Variants in CCDC15 observed in about 807,000 individuals in gnomAD.
CCDC15 encodes coiled-coil domain containing 15.
A neutral mutation model predicts 114.5 loss-of-function variants in CCDC15; 105 were observed. That is an observed-to-expected ratio of 0.92 (90% CI 0.78 to 1.08). The LOEUF (loss-of-function observed/expected upper bound fraction) is 1.08, where lower values mean the gene tolerates loss of function less well. Among genes scored for constraint, CCDC15 ranks in the 50% least tolerant of loss-of-function variants. CCDC15 has a pLI of 0.00. For synonymous variants in CCDC15, 334 were observed against 377.8 expected (o/e 0.88, Z 1.34); for missense variants, 1,105 against 1,093.6 (o/e 1.01, Z -0.15).
At chr11:124,971,884 T>C (rs570428262) in intron 4 of CCDC15, among the ~76,000 whole-genome samples, 1 of 152,268 alleles carries the variant, frequency 6.6e-6, no homozygotes, top group Admixed American at 6.5e-5. Flanking sequence ...TTTATTGATT[T>C]ACCACTAGGA....
chr11:124,987,963 A>G lies in CCDC15; in HGVS notation c.1737A>G (p.Ile579Met), dbSNP rs553577640. Residue 579 changes from isoleucine to methionine, a missense_variant, in exon 8 of 16, where the codon ATA (isoleucine) becomes ATG (methionine). Transcript: ENST00000344762. ...VLPKDQNILP[I>M]CQDQDFLPRD... is the part of the protein sequence containing the mutation. ...CCAAAGACCAAAATATTCTACCCAT[A>G]TGTCAGGACCAGGATTTTCTACCCA... 2 of 1,613,982 alleles carry G rather than the reference A, an allele frequency of 1.2e-6. No homozygotes were observed. The highest frequency in any genetic ancestry group is 2.2e-5 in the East Asian group (1 of 44,886).
intron 13 of CCDC15, among the ~76,000 whole-genome samples, chr11:125,012,303 G>A (rs1180328925): frequency 6.6e-6 from 1 of 152,046 alleles, no homozygotes; most frequent in African/African-American, 2.4e-5. Context: ...TAAAAATGTG[G>A]GTCTCATGAT....
At chr11:124,956,097 T>G (rs951007473) in intron 2 of CCDC15, among the ~76,000 whole-genome samples, 6 of 152,162 alleles carry the variant, frequency 3.9e-5, no homozygotes, top group African/African-American at 1.2e-4. Context: ...GACAGGATTA[T>G]GGAAAATAGG....
At chr11:124,956,227 T>C (rs938830053) in intron 2 of CCDC15, among the ~76,000 whole-genome samples, 2 of 152,196 alleles carry the variant, frequency 1.3e-5, no homozygotes, top group Admixed American at 6.5e-5. Context: ...TTTTGAAGGA[T>C]AGGGAGTGAT....
chr11:124,969,232 A>G (rs765919955), intron 4 of CCDC15, among the ~76,000 whole-genome samples: 1 of 152,198 alleles, frequency 6.6e-6, no homozygotes, highest in Non-Finnish European at 1.5e-5. Context: ...CCTCTGCTTG[A>G]TAATACTTGG....
intron 4 of CCDC15, among the ~76,000 whole-genome samples, chr11:124,962,841 AC>A (rs1219916414): frequency 2.6e-5 from 4 of 152,132 alleles, no homozygotes; most frequent in Admixed American, 6.5e-5. Flanking sequence ...GATGTTCCCA[AC>A]CCTGTGTCCA....
At chr11:125,024,533 A>G (rs1948682374) in intron 13 of CCDC15, among the ~76,000 whole-genome samples, 1 of 152,102 alleles carries the variant, frequency 6.6e-6, no homozygotes, top group African/African-American at 2.4e-5. Flanking sequence ...TCTTTTGTCA[A>G]ATCTATCCCC....
intron 2 of CCDC15, among the ~76,000 whole-genome samples, chr11:124,958,314 G>A (rs1003860294): frequency 2.0e-5 from 3 of 151,832 alleles, no homozygotes; most frequent in Non-Finnish European, 1.5e-5. Flanking sequence ...CTTTGAATGC[G>A]ACCCAATGTA....
chr11:125,004,988 C>A, intron 12 of CCDC15, 121 bp from the exon 13 acceptor site: 1 of 528,682 alleles, frequency 1.9e-6, no homozygotes, highest in Non-Finnish European at 3.4e-6. Context: ...AATCATGTAA[C>A]TTCTATATCA....
chr11:124,971,465 G>A (rs576145925), intron 4 of CCDC15, among the ~76,000 whole-genome samples: 2 of 152,226 alleles, frequency 1.3e-5, no homozygotes, highest in Admixed American at 1.3e-4. Context: ...TCAGAAGGTC[G>A]GTAATAACAA....
At chr11:125,023,571 G>A (rs1948675962) in intron 13 of CCDC15, among the ~76,000 whole-genome samples, 1 of 151,938 alleles carries the variant, frequency 6.6e-6, no homozygotes, top group Non-Finnish European at 1.5e-5. Context: ...ACTGGGAAAT[G>A]CAAATCAAAA....
intron 6 of CCDC15, among the ~76,000 whole-genome samples, chr11:124,980,449 C>T (rs111993609): frequency 4.6e-5 from 7 of 152,196 alleles, no homozygotes; most frequent in African/African-American, 1.4e-4. Flanking sequence ...ATTTTAAGAA[C>T]GTGTTATTGG....
chr11:125,038,323 T>G lies in CCDC15; in HGVS notation c.2412-108T>G. On this transcript the variant is annotated intron_variant, in intron 13 of 15. Coordinates refer to ENST00000344762, the MANE Select transcript of CCDC15 (RefSeq NM_025004.3). Reference sequence around the variant, plus strand: ...ATATTCTTGGGATATTAAACTGATTTCCTGACTCCTTAGTTTCTGGGAATT... The same window carrying G: ...ATATTCTTGGGATATTAAACTGATTGCCTGACTCCTTAGTTTCTGGGAATT... 7.0e-6 allele frequency: 5 copies of G among 719,420 alleles called. No individual in the cohort carries two copies. The South Asian group carries it at 1.2e-4, about 17-fold the overall frequency. The allele number at this position is 719,420 out of a possible 1,614,324, so 44.6% of individuals were successfully genotyped here.
At position 124,987,610 on chromosome 11, in the gene CCDC15, G is replaced by T; in HGVS notation, c.1384G>T (p.Asp462Tyr). The T allele has an allele frequency of 6.2e-7, 1 of 1,611,178 alleles. No homozygotes were observed. The highest frequency in any genetic ancestry group is 8.5e-7 in the Non-Finnish European group (1 of 1,179,036). Residue 462 changes from aspartate (D) to tyrosine (Y), a missense_variant, in exon 8 of 16, where the codon GAT (aspartate) becomes TAT (tyrosine). By Grantham distance (160) the Asp-to-Tyr change is radical (BLOSUM62 -3). Transcript: ENST00000344762. Reference sequence around the variant, plus strand: ...CCAGCATGTTCTCCACAAAGACCAAGATATTCTGCCAAAATATCAGGACCA... The same window carrying T: ...CCAGCATGTTCTCCACAAAGACCAATATATTCTGCCAAAATATCAGGACCA... ...RDQHVLHKDQ[D>Y]ILPKYQDQNF...
At chr11:125,020,291 A>G (rs1948653373) in intron 13 of CCDC15, among the ~76,000 whole-genome samples, 2 of 151,946 alleles carry the variant, frequency 1.3e-5, no homozygotes, top group South Asian at 4.1e-4. Context: ...AAATCATTTT[A>G]TCTGAAAGTC....
At chr11:125,012,139 C>G (rs979162526) in intron 13 of CCDC15, among the ~76,000 whole-genome samples, 1 of 152,090 alleles carries the variant, frequency 6.6e-6, no homozygotes, top group Non-Finnish European at 1.5e-5. Flanking sequence ...CTAAAAACAG[C>G]CTTGGAAAGT....
intron 11 of CCDC15, among the ~76,000 whole-genome samples, chr11:124,999,036 C>T (rs555890973): frequency 6.6e-6 from 1 of 151,786 alleles, no homozygotes; most frequent in Admixed American, 6.6e-5. Context: ...TGCGCCCGGC[C>T]GAGAGTCTCT....
rs376619932 is a variant in CCDC15, at chr11:125,014,617, GCACAATGAGGTAC to G, written c.2411+9409_2411+9421del. On this transcript the variant is annotated intron_variant, in intron 13 of 15. Transcript: ENST00000344762. The stretch of plus-strand genomic sequence containing the variant: ...ATCTTAAAATAAGAACTCACTCTAT[GCACAATGAGGTAC>G]CACTTCAGACTCACTAGAGTAGCTT... Among the ~76,000 whole-genome samples the G allele has an allele frequency of 6.0e-3, 920 of 152,204 alleles. 11 individuals are homozygous for G. The highest frequency in any genetic ancestry group is 0.021 in the African/African-American group (878 of 41,538).
intron 6 of CCDC15, 75 bp from the exon 7 acceptor site, chr11:124,986,667 C>CTGTGTGTGTGTGTGTG (rs146292043): frequency 2.8e-6 from 3 of 1,089,546 alleles, no homozygotes; most frequent in Non-Finnish European, 2.4e-6. Context: ...CTACATGGTG[C>CTGTGTGTGTGTGTGTG]TGTGTGTGTG....
Sources: gnomAD v4.1 joint callset for allele counts (sites outside exome capture counted in the v4.1 genomes callset) on GRCh38, gnomAD v4.1.1 for gene constraint, MANE v1.5 for transcripts, NCBI Gene and HGNC (gene_info 2026-07-23, HGNC 2026-07-21) for gene names.